The following PARP8 variants were observed in gnomAD, a reference collection of about 807,000 sequenced individuals.
PARP8 encodes the protein protein mono-ADP-ribosyltransferase PARP8.
Under a neutral mutation model 124.1 loss-of-function variants are expected in PARP8, and 51 were observed. The ratio of observed to expected loss-of-function variants is 0.41; its 90% CI spans 0.33 to 0.52. The LOEUF is 0.52. PARP8 is among the 20% of genes least tolerant of loss of function. PARP8 has a pLI of 0.21. For missense variants in PARP8, 860 were observed against 1,018.9 expected (o/e 0.84, Z 2.12); for synonymous variants, 391 against 361.5 (o/e 1.08, Z -0.93).
intron 2 of PARP8, chr5:50,744,673 A>T (rs1046739875): frequency 7.2e-6 from 5 of 689,892 alleles, no homozygotes; most frequent in African/African-American, 1.8e-5. Context: ...AAGCACCTCA[A>T]TGTAATTAAT....
intron 22 of PARP8, among the ~76,000 whole-genome samples, chr5:50,831,730 G>C (rs1214104418): frequency 6.6e-6 from 1 of 152,122 alleles, no homozygotes; most frequent in African/African-American, 2.4e-5. Flanking sequence ...CCTTCAATGG[G>C]TACATGGAAA....
chr5:50,683,333 A>G (rs1751497345), intron 2 of PARP8, among the ~76,000 whole-genome samples: 1 of 152,186 alleles, frequency 6.6e-6, no homozygotes, highest in Non-Finnish European at 1.5e-5. Context: ...AAAAGAAAGT[A>G]GTGCAGTTAA....
In PARP8 at chr5:50,843,468, A is replaced by G. The variant is rs186765627; in HGVS notation, c.*1400A>G. On this transcript the variant is annotated 3_prime_UTR_variant, in exon 26 of 26. Transcript: ENST00000281631. ...TGGCATAAAAGGTGAGAAAAAGGTC[A>G]TACATGTTGTTAAGGGTAGCAGTTT... is the stretch of plus-strand genomic sequence containing the variant. 30 of 151,818 alleles carry G rather than the reference A, an allele frequency of 2.0e-4. No homozygotes were observed. The highest frequency in any genetic ancestry group is 7.2e-4 in the African/African-American group (30 of 41,392). 9.4% of individuals were successfully genotyped at this position (151,818 alleles called of 1,614,324 possible).
chr5:50,831,730 G>A (rs1214104418), intron 22 of PARP8, among the ~76,000 whole-genome samples: 1 of 152,122 alleles, frequency 6.6e-6, no homozygotes, highest in Non-Finnish European at 1.5e-5. Context: ...CCTTCAATGG[G>A]TACATGGAAA....
At chr5:50,824,711 A>G (rs1457888782) in intron 17 of PARP8, among the ~76,000 whole-genome samples, 197 bp from the exon 18 acceptor site, 1 of 152,106 alleles carries the variant, frequency 6.6e-6, no homozygotes, top group Admixed American at 6.6e-5. Flanking sequence ...TGGGCAAGTC[A>G]TTTTGGTGGC....
At chr5:50,727,850 G>A (rs973634693) in intron 2 of PARP8, among the ~76,000 whole-genome samples, 1 of 152,140 alleles carries the variant, frequency 6.6e-6, no homozygotes, top group African/African-American at 2.4e-5. Context: ...AATACATGGT[G>A]TGGTCCGCCT....
At chr5:50,707,509 G>A (rs1233271956) in intron 2 of PARP8, among the ~76,000 whole-genome samples, 2 of 151,866 alleles carry the variant, frequency 1.3e-5, no homozygotes, top group African/African-American at 4.8e-5. Context: ...AAATTCTTAA[G>A]TCATTAAAGC....
intron 2 of PARP8, among the ~76,000 whole-genome samples, chr5:50,715,068 C>T (rs1755157655): frequency 6.6e-6 from 1 of 151,988 alleles, no homozygotes; most frequent in South Asian, 2.1e-4. Context: ...AAACAGTCAT[C>T]AGTGGCCAGC....
chr5:50,796,388 G>A (rs1742558923), intron 12 of PARP8, among the ~76,000 whole-genome samples: 1 of 152,078 alleles, frequency 6.6e-6, no homozygotes, highest in Admixed American at 6.5e-5. Flanking sequence ...TTTCACATGA[G>A]CATCCTAGAA....
chr5:50,705,878 T>G (rs1280494297), intron 2 of PARP8, among the ~76,000 whole-genome samples: 1 of 152,206 alleles, frequency 6.6e-6, no homozygotes, highest in Non-Finnish European at 1.5e-5. Context: ...CTGCATTTCA[T>G]TGATACTTTT....
chr5:50,720,812 T>G (rs1178058979), intron 2 of PARP8, among the ~76,000 whole-genome samples: 1 of 152,006 alleles, frequency 6.6e-6, no homozygotes, highest in Non-Finnish European at 1.5e-5. Flanking sequence ...TTGCTCCTCC[T>G]CTTCCCCTTA....
At chr5:50,778,496 T>A (rs1740289627) in intron 8 of PARP8, 64 bp from the exon 9 acceptor site, 16 of 1,338,716 alleles carry the variant, frequency 1.2e-5, no homozygotes, top group Non-Finnish European at 1.7e-5. Flanking sequence ...AAAGTTTGTG[T>A]GTTTTTTTTT....
intron 6 of PARP8, 97 bp from the exon 7 acceptor site, chr5:50,763,051 C>T (rs1760717323): frequency 2.5e-6 from 2 of 803,692 alleles, no homozygotes; most frequent in Non-Finnish European, 4.2e-6. Flanking sequence ...TAAAAATGCC[C>T]ATGGCAAAAT....
At chr5:50,804,848 T>C (rs931049476) in intron 14 of PARP8, among the ~76,000 whole-genome samples, 4 of 152,204 alleles carry the variant, frequency 2.6e-5, no homozygotes, top group Admixed American at 2.6e-4. Context: ...TTCACATTGA[T>C]TGAAAATCAG....
chr5:50,727,894 T>C (rs1175303075), intron 2 of PARP8, among the ~76,000 whole-genome samples: 1 of 152,188 alleles, frequency 6.6e-6, no homozygotes, highest in African/African-American at 2.4e-5. Flanking sequence ...AATTTTCATT[T>C]ATTTGGGTGA....
At chr5:50,673,739 C>CT (rs1472344397) in intron 2 of PARP8, among the ~76,000 whole-genome samples, 8 of 152,214 alleles carry the variant, frequency 5.3e-5, no homozygotes. Context: ...AAGGTAGTGC[C>CT]TGAGCCCAGT....
chr5:50,821,158 C>T, intron 15 of PARP8, 55 bp from the exon 16 acceptor site: 1 of 1,600,210 alleles, frequency 6.2e-7, no homozygotes, highest in Non-Finnish European at 8.6e-7. Context: ...GAAACAATGG[C>T]AAAGCACTGG....
chr5:50,787,482 C>T (rs1172029461), intron 9 of PARP8, among the ~76,000 whole-genome samples: 1 of 152,152 alleles, frequency 6.6e-6, no homozygotes, highest in Non-Finnish European at 1.5e-5. Flanking sequence ...TAAACCTCAG[C>T]CCACATAGCC....
At chr5:50,673,841 C>G (rs1449234393) in intron 2 of PARP8, among the ~76,000 whole-genome samples, 5 of 152,186 alleles carry the variant, frequency 3.3e-5, no homozygotes, top group Admixed American at 1.3e-4. Context: ...CATCATTTCT[C>G]TCTGCAGCAT....
Sources: allele counts gnomAD v4.1 joint callset (sites outside exome capture counted in the v4.1 genomes callset), GRCh38; gene constraint gnomAD v4.1.1; transcripts MANE v1.5; gene names NCBI Gene and HGNC (gene_info 2026-07-23, HGNC 2026-07-21).